Variants in IPO11 observed in about 807,000 individuals in gnomAD.
IPO11 encodes the protein importin 11, also known as importin-11.
A neutral mutation model predicts 143.2 loss-of-function variants in IPO11; 66 were observed. That is an observed-to-expected ratio of 0.46 (90% confidence interval 0.38 to 0.57). The LOEUF is 0.57. Among genes scored for constraint, IPO11 ranks in the 20% least tolerant of loss-of-function variants. The probability of loss-of-function intolerance (pLI) is 0.00; values close to 1 mark genes in which losing one functional copy is unlikely to be tolerated. For missense variants in IPO11, 1,026 were observed against 1,141.0 expected, an observed-to-expected ratio of 0.90 and a Z score of 1.45; for synonymous variants, 385 against 377.8, an observed-to-expected ratio of 1.02 and a Z score of -0.22.
chr5:62,437,309 T>C lies in IPO11; in HGVS notation c.30T>C (p.Val10=). 1 of 1,611,180 alleles carries C rather than the reference T, an allele frequency of 6.2e-7. No homozygotes were observed. Among genetic ancestry groups the C allele is most frequent in the Non-Finnish European group, 8.5e-7 (1 of 1,178,420 alleles). The change falls in exon 2 of 30, where the codon GTT becomes GTC. Residue 10 remains valine, a synonymous_variant. Transcript: ENST00000325324. MDLNSASTV[V]LQVLTQATSQ... ...ATCTCAATAGTGCCAGCACTGTTGTTCTTCAGGTGTTAACACAGGCCACCA... is the reference window on the plus strand; with the variant it reads ...ATCTCAATAGTGCCAGCACTGTTGTCCTTCAGGTGTTAACACAGGCCACCA...
intron 27 of IPO11, chr5:62,580,484 C>G: frequency 6.4e-7 from 1 of 1,551,394 alleles, no homozygotes; most frequent in African/African-American, 1.4e-5. Flanking sequence ...AAGCCGTTGT[C>G]TTCATTGATT....
chr5:62,625,111 C>T (rs1023265902), intron 29 of IPO11, among the ~76,000 whole-genome samples: 18 of 151,808 alleles, frequency 1.2e-4, no homozygotes, highest in Admixed American at 7.9e-4. Flanking sequence ...TGACATATGC[C>T]ACATAACAAG....
intron 26 of IPO11, among the ~76,000 whole-genome samples, chr5:62,556,659 G>C (rs1043285603): frequency 6.6e-6 from 1 of 152,006 alleles, no homozygotes; most frequent in Non-Finnish European, 1.5e-5. Flanking sequence ...AGCAGAACAG[G>C]ATTCTGTCTC....
intron 29 of IPO11, among the ~76,000 whole-genome samples, chr5:62,605,713 G>T (rs1415180823): frequency 6.8e-6 from 1 of 146,718 alleles, no homozygotes; most frequent in Non-Finnish European, 1.5e-5. Context: ...AGCTAACAAA[G>T]TATTATTATT....
chr5:62,581,151 C>G, intron 27 of IPO11: 1 of 1,550,958 alleles, frequency 6.4e-7, no homozygotes, highest in South Asian at 1.2e-5. Flanking sequence ...AATACTACAG[C>G]TTTTATCAGT....
intron 17 of IPO11, 79 bp downstream of exon 17, chr5:62,504,779 A>C: frequency 7.5e-7 from 1 of 1,325,464 alleles, no homozygotes; most frequent in Non-Finnish European, 1.0e-6. Context: ...TGTGAAATTA[A>C]TTTATGTATA....
chr5:62,453,462 G>A (rs947990153), intron 5 of IPO11, among the ~76,000 whole-genome samples: 1 of 151,540 alleles, frequency 6.6e-6, no homozygotes, highest in Admixed American at 6.5e-5. Flanking sequence ...AGTGAAGAGA[G>A]AGTTCTAGAA....
intron 22 of IPO11, among the ~76,000 whole-genome samples, chr5:62,535,917 G>C (rs550043704): frequency 6.6e-6 from 1 of 152,084 alleles, no homozygotes; most frequent in Non-Finnish European, 1.5e-5. Flanking sequence ...AATTTTACAC[G>C]TACAGCCTGT....
At chr5:62,596,103 A>G (rs1232388657) in intron 28 of IPO11, among the ~76,000 whole-genome samples, 1 of 151,382 alleles carries the variant, frequency 6.6e-6, no homozygotes, top group Non-Finnish European at 1.5e-5. Context: ...TATTAAAAAA[A>G]AAAAAAAAAT....
At chr5:62,429,120 G>T (rs1389309144) in intron 1 of IPO11, among the ~76,000 whole-genome samples, 1 of 152,178 alleles carries the variant, frequency 6.6e-6, no homozygotes, top group African/African-American at 2.4e-5. Context: ...CATCATTACA[G>T]TCAGTTTTAG....
intron 22 of IPO11, 44 bp downstream of exon 22, chr5:62,530,829 C>A: frequency 6.9e-7 from 1 of 1,448,506 alleles, no homozygotes; most frequent in Non-Finnish European, 9.7e-7. Flanking sequence ...TGAATGCAAC[C>A]ATAATTGGGA....
intron 20 of IPO11, among the ~76,000 whole-genome samples, chr5:62,515,847 T>C (rs1483035442): frequency 6.6e-6 from 1 of 152,214 alleles, no homozygotes; most frequent in Non-Finnish European, 1.5e-5. Flanking sequence ...TTTTCCTTGA[T>C]TTAAAATAAA....
intron 19 of IPO11, among the ~76,000 whole-genome samples, chr5:62,507,490 G>A (rs1741593666): frequency 6.6e-6 from 1 of 151,968 alleles, no homozygotes; most frequent in Non-Finnish European, 1.5e-5. Context: ...TATTTAGTTT[G>A]GGCAAAGTCT....
At chr5:62,428,550 G>A (rs554898218) in intron 1 of IPO11, among the ~76,000 whole-genome samples, 39 of 151,888 alleles carry the variant, frequency 2.6e-4, no homozygotes, top group African/African-American at 9.4e-4. Context: ...CACCATGTTG[G>A]TCAGGCTGGT....
rs922582257 is a variant in IPO11 at position 62,537,066 on chromosome 5, A to C, written c.2170-143A>C. Reference sequence around the variant, plus strand: ...GGCATAATCTTTTTTAACTTTTCCTAAGCGTTCTGATTGAAATTTGATATG... The same window carrying C: ...GGCATAATCTTTTTTAACTTTTCCTCAGCGTTCTGATTGAAATTTGATATG... On this transcript the variant is annotated intron_variant, in intron 23 of 29. Coordinates refer to ENST00000325324, the MANE Select transcript of IPO11 (RefSeq NM_016338.5). 5.3e-6 allele frequency: 3 copies of C among 566,742 alleles called. No homozygotes were observed. In the Admixed American group the frequency reaches 1.0e-4, roughly 20 times the overall value. The allele number at this position is 566,742 out of a possible 1,614,324, so 35.1% of individuals were successfully genotyped here. A position where few individuals can be genotyped will look rare whatever the true frequency, so the allele number is the denominator to read the frequency against.
chr5:62,580,182 TAA>T, intron 27 of IPO11: 2 of 1,551,222 alleles, frequency 1.3e-6, no homozygotes, highest in Non-Finnish European at 8.7e-7. Flanking sequence ...CCTTTGCATT[TAA>T]AGGACTTGCC....
intron 29 of IPO11, among the ~76,000 whole-genome samples, chr5:62,626,860 A>G (rs1746599486): frequency 6.6e-6 from 1 of 152,182 alleles, no homozygotes; most frequent in African/African-American, 2.4e-5. Flanking sequence ...TGTTTCTTTT[A>G]GAATGCTTTC....
Position 62,551,253 on chromosome 5 carries a change from G to A in IPO11, c.2377G>A (p.Gly793Arg). The A allele has an allele frequency of 6.2e-7, 1 of 1,608,530 alleles. No individual in the cohort carries two copies. Among genetic ancestry groups the A allele is most frequent in the Non-Finnish European group, 8.5e-7 (1 of 1,176,138 alleles). Residue 793 changes from glycine (G) to arginine (R), a missense_variant, in exon 26 of 30, where the codon GGA (glycine) becomes AGA (arginine). Coordinates refer to ENST00000325324, the MANE Select transcript of IPO11 (RefSeq NM_016338.5). ...TCCTGTAGTGATGTCCACGTATCTT[G>A]GAGTTATGGGTCGAGTTCTACTACA... ...RYPVVMSTYL[G>R]VMGRVLLQNT...
At chr5:62,568,174 C>T (rs1001378582) in intron 27 of IPO11, among the ~76,000 whole-genome samples, 1 of 150,872 alleles carries the variant, frequency 6.6e-6, no homozygotes, top group African/African-American at 2.4e-5. Flanking sequence ...CCATGTTGCC[C>T]AGTCTGGTCA....
Sources: allele counts gnomAD v4.1 joint callset (sites outside exome capture counted in the v4.1 genomes callset), GRCh38; gene constraint gnomAD v4.1.1; transcripts MANE v1.5; gene names NCBI Gene and HGNC (gene_info 2026-07-23, HGNC 2026-07-21).